SPAG16: variants seen among roughly 807,000 people sequenced by gnomAD.
The protein encoded by SPAG16 is sperm associated antigen 16.
A neutral mutation model predicts 80.4 loss-of-function variants in SPAG16; 86 were observed. The ratio of observed to expected loss-of-function variants is 1.07; its 90% CI spans 0.90 to 1.28. The LOEUF is 1.28. SPAG16 is among the 50% of genes most tolerant of loss of function. The pLI is 0.00. For synonymous variants in SPAG16, 294 were observed against 265.9 expected, an observed-to-expected ratio of 1.11 and a Z score of -1.03; for missense variants, 870 against 765.3, an observed-to-expected ratio of 1.14 and a Z score of -1.61.
intron 5 of SPAG16, chr2:213,317,582 AG>A: frequency 8.4e-7 from 1 of 1,185,772 alleles, no homozygotes; most frequent in African/African-American, 1.6e-5. Flanking sequence ...GTTGTTTAGG[AG>A]ATGGTACATT....
chr2:213,576,054 A>G (rs1168348968), intron 10 of SPAG16, among the ~76,000 whole-genome samples: 2 of 152,140 alleles, frequency 1.3e-5, no homozygotes, highest in Non-Finnish European at 2.9e-5. Flanking sequence ...TTATAGTTTT[A>G]GGTTTTACAG....
intron 10 of SPAG16, among the ~76,000 whole-genome samples, chr2:213,713,198 G>C (rs1027093970): frequency 6.6e-6 from 1 of 152,164 alleles, no homozygotes; most frequent in African/African-American, 2.4e-5. Flanking sequence ...TTATAATTCA[G>C]ATTACAATTC....
chr2:213,899,741 G>T (rs2077140836), intron 11 of SPAG16, among the ~76,000 whole-genome samples: 1 of 152,052 alleles, frequency 6.6e-6, no homozygotes, highest in Non-Finnish European at 1.5e-5. Flanking sequence ...TTCAAATAGT[G>T]TGGCTTTGTC....
chr2:213,942,341 T>C (rs1209194536), intron 12 of SPAG16, among the ~76,000 whole-genome samples: 1 of 152,216 alleles, frequency 6.6e-6, no homozygotes, highest in Non-Finnish European at 1.5e-5. Flanking sequence ...CAATGTGAGA[T>C]GAGTATTTCA....
chr2:213,544,533 A>C (rs1043841087), intron 10 of SPAG16, among the ~76,000 whole-genome samples: 2 of 152,018 alleles, frequency 1.3e-5, no homozygotes, highest in African/African-American at 4.8e-5. Flanking sequence ...ATTATCACCA[A>C]AAGTCGTAGT....
chr2:213,926,639 G>T (rs2078492673), intron 11 of SPAG16, among the ~76,000 whole-genome samples: 1 of 150,646 alleles, frequency 6.6e-6, no homozygotes, highest in Non-Finnish European at 1.5e-5. Context: ...TTTCAGATTT[G>T]CAGATTCATG....
At chr2:214,267,023 A>G (rs59092974) in intron 15 of SPAG16, among the ~76,000 whole-genome samples, 21,792 of 151,814 alleles carry the variant, frequency 0.14, 1,617 homozygotes, top group Middle Eastern at 0.24. Flanking sequence ...AAAGCATTCT[A>G]TAGATTCAAT....
intron 5 of SPAG16, among the ~76,000 whole-genome samples, chr2:213,339,024 TAAA>T (rs11329467): frequency 2.7e-5 from 4 of 146,086 alleles, no homozygotes; most frequent in Non-Finnish European, 3.0e-5. Flanking sequence ...CCCCAGAACT[TAAA>T]AAAAAAAAAA....
At chr2:213,314,198 G>T (rs1285000572) in intron 4 of SPAG16, among the ~76,000 whole-genome samples, 2 of 151,782 alleles carry the variant, frequency 1.3e-5, no homozygotes, top group Admixed American at 1.3e-4. Flanking sequence ...CTAAGTAGTT[G>T]ATGGATCTCC....
chr2:213,547,701 C>T (rs2076655903), intron 10 of SPAG16, among the ~76,000 whole-genome samples: 1 of 152,096 alleles, frequency 6.6e-6, no homozygotes, highest in South Asian at 2.1e-4. Context: ...CAGCATGGTC[C>T]TGTCTCCACC....
At chr2:214,096,685 GA>G (rs1213732176) in intron 13 of SPAG16, among the ~76,000 whole-genome samples, 1 of 151,990 alleles carries the variant, frequency 6.6e-6, no homozygotes, top group Non-Finnish European at 1.5e-5. Context: ...TGCTAAAGCA[GA>G]TCCGCAGTAA....
intron 10 of SPAG16, among the ~76,000 whole-genome samples, chr2:213,578,433 C>A (rs1268926036): frequency 1.3e-5 from 2 of 152,020 alleles, no homozygotes; most frequent in Non-Finnish European, 2.9e-5. Flanking sequence ...AAAAAATAAA[C>A]TTTGTATTAA....
intron 12 of SPAG16, among the ~76,000 whole-genome samples, chr2:214,011,374 A>G (rs2047273850): frequency 7.2e-6 from 1 of 139,742 alleles, no homozygotes; most frequent in African/African-American, 2.9e-5. Flanking sequence ...CTCCTCAAAA[A>G]AGATTAAATG....
At chr2:213,977,176 A>G (rs1340325578) in intron 12 of SPAG16, among the ~76,000 whole-genome samples, 1 of 152,006 alleles carries the variant, frequency 6.6e-6, no homozygotes, top group Admixed American at 6.6e-5. Context: ...CAAGGACTGT[A>G]TTGGAGGTTA....
chr2:213,749,163 AAAAAC>A lies in SPAG16; in HGVS notation c.1071-113307_1071-113303del, dbSNP rs531698424. ...CTCTCAGAAAAACAAAAACAGAAAC[AAAAAC>A]AAAACAAAACAAAAAACACTCAGAA... On this transcript the variant is annotated intron_variant, in intron 10 of 15. Coordinates refer to ENST00000331683, the MANE Select transcript of SPAG16 (RefSeq NM_024532.5). Among the ~76,000 whole-genome samples the A allele has an allele frequency of 2.0e-4, 30 of 152,238 alleles. No homozygotes were observed. The South Asian group carries it at 4.6e-3, about 23-fold the overall frequency.
chr2:214,094,606 G>C (rs1247019378), intron 13 of SPAG16, among the ~76,000 whole-genome samples: 5 of 152,068 alleles, frequency 3.3e-5, no homozygotes, highest in African/African-American at 1.2e-4. Flanking sequence ...GAGCAGAACT[G>C]TAGAATCATA....
At chr2:213,766,722 C>G (rs932155871) in intron 10 of SPAG16, among the ~76,000 whole-genome samples, 1 of 152,138 alleles carries the variant, frequency 6.6e-6, no homozygotes, top group Non-Finnish European at 1.5e-5. Flanking sequence ...GTACAGGCTA[C>G]TGAGTCAGAG....
chr2:213,603,013 A>G (rs2061123195), intron 10 of SPAG16, among the ~76,000 whole-genome samples: 1 of 152,224 alleles, frequency 6.6e-6, no homozygotes, highest in Non-Finnish European at 1.5e-5. Context: ...AATAACAAAT[A>G]ACTTCAAAAG....
At chr2:214,309,177 T>G (rs1230993010) in intron 15 of SPAG16, among the ~76,000 whole-genome samples, 1 of 152,222 alleles carries the variant, frequency 6.6e-6, no homozygotes, top group Non-Finnish European at 1.5e-5. Context: ...ACTTGGCCTA[T>G]TCTGCTATTA....
Sources: allele counts gnomAD v4.1 joint callset (sites outside exome capture counted in the v4.1 genomes callset), GRCh38; gene constraint gnomAD v4.1.1; transcripts MANE v1.5; gene names NCBI Gene and HGNC (gene_info 2026-07-23, HGNC 2026-07-21).